Variants in BTBD9 observed in about 807,000 individuals in gnomAD.
The protein encoded by BTBD9 is BTB/POZ domain-containing protein 9.
In BTBD9, 49 loss-of-function variants were observed where a neutral mutation model predicts 64.3. The ratio of observed to expected loss-of-function variants is 0.76; its 90% CI spans 0.61 to 0.97. The LOEUF (loss-of-function observed/expected upper bound fraction) is 0.97. BTBD9 is among the 50% of genes least tolerant of loss of function. The pLI is 0.00. For missense variants in BTBD9, 598 were observed against 762.1 expected, an observed-to-expected ratio of 0.78 and a Z score of 2.53; for synonymous variants, 260 against 274.7, an observed-to-expected ratio of 0.95 and a Z score of 0.53.
intron 2 of BTBD9, 73 bp from the exon 3 acceptor site, chr6:38,594,400 T>C: frequency 6.8e-7 from 1 of 1,468,510 alleles, no homozygotes; most frequent in Non-Finnish European, 9.0e-7. Context: ...AAATAACAGT[T>C]ATCAACATTA....
At chr6:38,273,108 T>C in intron 8 of BTBD9, among the ~76,000 whole-genome samples, 1 of 152,220 alleles carries the variant, frequency 6.6e-6, no homozygotes, top group East Asian at 1.9e-4. Context: ...GAGCACTCCC[T>C]GTTCCCAAGT....
chr6:38,636,577 G>A (rs558475741), intron 1 of BTBD9, among the ~76,000 whole-genome samples: 1 of 152,284 alleles, frequency 6.6e-6, no homozygotes, highest in African/African-American at 2.4e-5. Context: ...TAAATGTAGA[G>A]ATTTTAACAT....
intron 1 of BTBD9, among the ~76,000 whole-genome samples, chr6:38,623,603 A>C (rs1290681219): frequency 6.6e-6 from 1 of 152,118 alleles, no homozygotes; most frequent in African/African-American, 2.4e-5. Context: ...ACCAGTCGGG[A>C]AAGTACAAGA....
At chr6:38,414,110 C>T (rs1413355041) in intron 6 of BTBD9, among the ~76,000 whole-genome samples, 4 of 152,134 alleles carry the variant, frequency 2.6e-5, no homozygotes, top group Non-Finnish European at 5.9e-5. Context: ...CATTTATTAC[C>T]TTATCTTTAT....
chr6:38,570,710 G>A (rs1156518803), intron 6 of BTBD9, among the ~76,000 whole-genome samples: 1 of 152,108 alleles, frequency 6.6e-6, no homozygotes, highest in Non-Finnish European at 1.5e-5. Flanking sequence ...CTGGACTACA[G>A]AAGCCCACAT....
At chr6:38,394,314 G>A (rs1473447584) in intron 6 of BTBD9, among the ~76,000 whole-genome samples, 1 of 152,106 alleles carries the variant, frequency 6.6e-6, no homozygotes, top group Non-Finnish European at 1.5e-5. Flanking sequence ...GATAGGGTGG[G>A]GGCTGTCCTG....
chr6:38,464,776 T>C (rs141258557), intron 6 of BTBD9, among the ~76,000 whole-genome samples: 6 of 152,292 alleles, frequency 3.9e-5, no homozygotes, highest in African/African-American at 9.6e-5. Flanking sequence ...GATTATAGGC[T>C]TGAGCCACTG....
chr6:38,289,043 A>G (rs1761860809), intron 7 of BTBD9, among the ~76,000 whole-genome samples: 1 of 152,156 alleles, frequency 6.6e-6, no homozygotes, highest in Non-Finnish European at 1.5e-5. Flanking sequence ...TATATACATA[A>G]AACTAAAAAG....
intron 7 of BTBD9, among the ~76,000 whole-genome samples, chr6:38,302,521 A>C (rs926746444): frequency 8.6e-6 from 1 of 115,616 alleles, no homozygotes; most frequent in African/African-American, 3.0e-5. Context: ...ATATATATAT[A>C]TATCACATTC....
At chr6:38,613,073 T>TA (rs1166762474) in intron 1 of BTBD9, 8 of 152,158 alleles carry the variant, frequency 5.3e-5, no homozygotes, top group South Asian at 4.1e-4. Context: ...AAAGACTTAC[T>TA]AAAAAAAGAA....
At chr6:38,181,786 G>A (rs1377243510) in intron 10 of BTBD9, among the ~76,000 whole-genome samples, 2 of 152,094 alleles carry the variant, frequency 1.3e-5, no homozygotes, top group Non-Finnish European at 2.9e-5. Flanking sequence ...TCAAGAGTTC[G>A]AGACCAGCCC....
chr6:38,393,202 G>A (rs1214019681), intron 6 of BTBD9, among the ~76,000 whole-genome samples: 5 of 152,274 alleles, frequency 3.3e-5, no homozygotes, highest in Middle Eastern at 6.8e-3. Context: ...CCAAGACAAT[G>A]ATTTTTAATG....
intron 6 of BTBD9, among the ~76,000 whole-genome samples, chr6:38,536,783 G>C (rs923610279): frequency 2.0e-5 from 3 of 152,114 alleles, no homozygotes; most frequent in Admixed American, 2.0e-4. Flanking sequence ...TGAACTCGTG[G>C]AGATAGAAAG....
At chr6:38,294,182 G>C (rs1762075881) in intron 7 of BTBD9, among the ~76,000 whole-genome samples, 1 of 152,192 alleles carries the variant, frequency 6.6e-6, no homozygotes, top group Non-Finnish European at 1.5e-5. Flanking sequence ...ATGCTGGAGA[G>C]GATGTGGAGA....
chr6:38,370,856 C>T (rs1164143883), intron 6 of BTBD9, among the ~76,000 whole-genome samples: 6 of 152,186 alleles, frequency 3.9e-5, no homozygotes, highest in Non-Finnish European at 7.4e-5. Context: ...TGTCTGCAAA[C>T]CTGCAGTTAT....
chr6:38,581,838 A>G (rs976666490), intron 4 of BTBD9, among the ~76,000 whole-genome samples: 2 of 152,202 alleles, frequency 1.3e-5, no homozygotes, highest in African/African-American at 2.4e-5. Flanking sequence ...TATGAGCTCT[A>G]CTCATATATA....
chr6:38,595,151 T>C (rs947911981), intron 2 of BTBD9, among the ~76,000 whole-genome samples: 3 of 152,204 alleles, frequency 2.0e-5, no homozygotes, highest in Non-Finnish European at 2.9e-5. Context: ...AAAAAGTACA[T>C]AACCAAATAT....
At chr6:38,267,161 C>T (rs1765039811) in intron 8 of BTBD9, among the ~76,000 whole-genome samples, 1 of 152,344 alleles carries the variant, frequency 6.6e-6, no homozygotes, top group South Asian at 2.1e-4. Flanking sequence ...GTCCAGCTGG[C>T]TTTTAGCTTC....
intron 8 of BTBD9, among the ~76,000 whole-genome samples, chr6:38,258,406 C>T (rs1426475906): frequency 6.6e-6 from 1 of 152,206 alleles, no homozygotes; most frequent in Admixed American, 6.5e-5. Context: ...AAGTCCTTCC[C>T]ATACAAACTA....
Sources: allele counts gnomAD v4.1 joint callset (sites outside exome capture counted in the v4.1 genomes callset), GRCh38; gene constraint gnomAD v4.1.1; transcripts MANE v1.5; gene names NCBI Gene and HGNC (gene_info 2026-07-23, HGNC 2026-07-21).